Variants in HECTD4 observed in about 807,000 individuals in gnomAD.
HECTD4 encodes probable E3 ubiquitin-protein ligase HECTD4.
Under a neutral mutation model 471.5 loss-of-function variants are expected in HECTD4, and 114 were observed. The ratio of observed to expected loss-of-function variants is 0.24; its 90% CI spans 0.21 to 0.28. The LOEUF (loss-of-function observed/expected upper bound fraction) is 0.28. Among genes scored for constraint, HECTD4 ranks in the 10% least tolerant of loss-of-function variants. HECTD4 has a pLI of 1.00. For synonymous variants in HECTD4, 2,012 were observed against 2,256.0 expected (o/e 0.89, Z 3.07); for missense variants, 3,866 against 5,651.5 (o/e 0.68, Z 10.13).
At position 112,190,859 on chromosome 12, in the gene HECTD4, G is replaced by T; in HGVS notation, c.9399C>A (p.Asp3133Glu). 6.3e-7 allele frequency: 1 copy of T among 1,583,660 alleles called. No homozygotes were observed. Among genetic ancestry groups the T allele is most frequent in the Non-Finnish European group, 8.6e-7 (1 of 1,164,992 alleles). Residue 3133 changes from aspartate (D) to glutamate (E), a missense_variant, in exon 60 of 76, where the codon GAC becomes GAA. By Grantham distance (45) the Asp-to-Glu change is conservative (BLOSUM62 2). Around this residue, in one of 16 missense-constraint regions of HECTD4, gnomAD observed 364 missense variants for 413.2 expected, o/e 0.88. Transcript: ENST00000682272. ...AEQLLSWKSE[D>E]SEGKSEDEPD... ...GCTCATCTTCGGACTTCCCTTCACT[G>T]TCCTCTGATTTCCAGGACAGCAGCT...
Position 112,176,665 on chromosome 12 carries a change from G to GCTT in HECTD4, c.11398_11400dup (p.Lys3800dup). Reference sequence around the variant, plus strand: ...GGTTTGCTCTTTTCTGGTGATTTTGGCTTCACAGTTGGCTTCTTCTCACTT... The same window carrying GCTT: ...GGTTTGCTCTTTTCTGGTGATTTTGGCTTCTTCACAGTTGGCTTCTTCTCACTT... On this transcript the variant is annotated inframe_insertion, in exon 65 of 76. Coordinates refer to ENST00000682272, the MANE Select transcript of HECTD4 (RefSeq NM_001388303.1). The GCTT allele has an allele frequency of 6.2e-7, 1 of 1,613,934 alleles. No individual in the cohort carries two copies.
chr12:112,236,887 C>T (rs888766334), intron 35 of HECTD4, 58 bp downstream of exon 35: 24 of 1,433,154 alleles, frequency 1.7e-5, no homozygotes, highest in Non-Finnish European at 2.2e-5. Flanking sequence ...AAAAGAAACC[C>T]CAATCGTTCA....
Position 112,228,853 on chromosome 12 carries a change from G to A in HECTD4, c.6520-42C>T, listed in dbSNP as rs543865860. On this transcript the variant is annotated intron_variant, in intron 41 of 75. Transcript: ENST00000682272. This position sits in a 1 kb window ranked among gnomAD's most constrained non-coding sequence, Gnocchi z 4.9. Reference sequence around the variant, plus strand: ...ATTAGCACTACCAACCAGCTCTGACGTGTGGGCAGCTGTCTTACGAGACAA... The same window carrying A: ...ATTAGCACTACCAACCAGCTCTGACATGTGGGCAGCTGTCTTACGAGACAA... 3.8e-6 allele frequency: 6 copies of A among 1,572,702 alleles called. No individual in the cohort carries two copies. The highest frequency in any genetic ancestry group is 1.4e-5 in the African/African-American group (1 of 73,158).
At chr12:112,165,327 CT>C (rs2030896046) in intron 72 of HECTD4, among the ~76,000 whole-genome samples, 1 of 149,206 alleles carries the variant, frequency 6.7e-6, no homozygotes, top group Admixed American at 6.7e-5. Context: ...ACCCATCATG[CT>C]TTTTGTTTTA....
At chr12:112,357,471 G>A (rs2036362368) in intron 1 of HECTD4, among the ~76,000 whole-genome samples, 1 of 152,182 alleles carries the variant, frequency 6.6e-6, no homozygotes, top group African/African-American at 2.4e-5. Context: ...TGAGGTTGCA[G>A]TGAGCTGTGA....
At chr12:112,337,009 T>C (rs958116349) in intron 1 of HECTD4, among the ~76,000 whole-genome samples, 1 of 152,194 alleles carries the variant, frequency 6.6e-6, no homozygotes, top group African/African-American at 2.4e-5. Flanking sequence ...CACACAAGAA[T>C]TTTTTCTTCC....
At chr12:112,352,556 G>A (rs944967708) in intron 1 of HECTD4, among the ~76,000 whole-genome samples, 5 of 151,834 alleles carry the variant, frequency 3.3e-5, no homozygotes, top group East Asian at 1.9e-4. Flanking sequence ...GGCTGGTCTC[G>A]AACTCCTGAC....
At chr12:112,224,141 T>A (rs1333043156) in intron 44 of HECTD4, among the ~76,000 whole-genome samples, 2 of 152,200 alleles carry the variant, frequency 1.3e-5, no homozygotes, top group Non-Finnish European at 1.5e-5. Context: ...TTCTGCAAAG[T>A]AACCCGGAAT....
intron 45 of HECTD4, among the ~76,000 whole-genome samples, chr12:112,217,794 C>G (rs1297036273): frequency 6.6e-6 from 1 of 152,158 alleles, no homozygotes; most frequent in Non-Finnish European, 1.5e-5. Context: ...AGTTACTGAA[C>G]AAATTTTAGT....
rs1273113366 is a variant in HECTD4, at chr12:112,382,246, C to T, written c.-118G>A. 1.1e-6 allele frequency: 1 copy of T among 873,632 alleles called. No individual in the cohort carries two copies. The highest frequency in any genetic ancestry group is 1.8e-5 in the African/African-American group (1 of 56,388). 54.1% of individuals were successfully genotyped at this position (873,632 alleles called of 1,614,324 possible). A position where few individuals can be genotyped will look rare whatever the true frequency, so the allele number is the denominator to read the frequency against. Reference sequence around the variant, plus strand: ...CGCCGCGCCCGCCAGCGGCGCCCCACTTGCTGCCTCGCCCGTGCAACTCCG... The same window carrying T: ...CGCCGCGCCCGCCAGCGGCGCCCCATTTGCTGCCTCGCCCGTGCAACTCCG... On this transcript the variant is annotated 5_prime_UTR_variant, in exon 1 of 76. In the 5' UTR this introduces an upstream ATG that the reference lacks. Coordinates refer to ENST00000682272, the MANE Select transcript of HECTD4 (RefSeq NM_001388303.1).
intron 4 of HECTD4, among the ~76,000 whole-genome samples, chr12:112,311,508 C>T (rs766110169): frequency 5.3e-5 from 8 of 150,702 alleles, no homozygotes; most frequent in Non-Finnish European, 1.0e-4. Context: ...CCTGTGGTCC[C>T]AGCTACTCAG....
At chr12:112,214,283 C>T (rs984729887) in intron 48 of HECTD4, among the ~76,000 whole-genome samples, 13 of 152,176 alleles carry the variant, frequency 8.5e-5, no homozygotes, top group South Asian at 2.1e-4. Flanking sequence ...GCTGCTAGCA[C>T]GTGTGGCCTT....
intron 7 of HECTD4, among the ~76,000 whole-genome samples, chr12:112,303,780 G>A (rs2035214090): frequency 6.6e-6 from 1 of 151,262 alleles, no homozygotes; most frequent in Non-Finnish European, 1.5e-5. Context: ...AGCCCAGGAG[G>A]TTGAGGCCAC....
At position 112,192,579 on chromosome 12, in the gene HECTD4, G is replaced by A. The variant is rs938209369; in HGVS notation, c.9273C>T (p.Asp3091=). 6 of 1,590,556 alleles carry A rather than the reference G, an allele frequency of 3.8e-6. No individual in the cohort carries two copies. The highest frequency in any genetic ancestry group is 5.1e-6 in the Non-Finnish European group (6 of 1,166,570). ...DQYPSVVLST[D]RVHIKLGVSP... ...ACTCACCCAGTTTGATGTGGACCCT[G>A]TCTGTGGAGAGGACCACAGAGGGGT... The change falls in exon 59 of 76, where the codon GAC becomes GAT. Residue 3091 remains aspartate, a synonymous_variant. Transcript: ENST00000682272.
Position 112,200,812 on chromosome 12 carries a change from A to G in HECTD4, c.8407-14T>C, listed in dbSNP as rs556361867. 1 of 1,607,400 alleles carries G rather than the reference A, an allele frequency of 6.2e-7. No homozygotes were observed. On this transcript the variant is annotated splice_polypyrimidine_tract_variant and intron_variant, in intron 54 of 75. Transcript: ENST00000682272. ...CAGTTCATTCACCTACAATAGGAAA[A>G]GAAAATGTCTGTTTGTGCTGTTTGC...
chr12:112,214,246 C>T (rs547639248), intron 48 of HECTD4, among the ~76,000 whole-genome samples: 1 of 152,282 alleles, frequency 6.6e-6, no homozygotes, highest in South Asian at 2.1e-4. Flanking sequence ...ATTGCATCGG[C>T]ACTCTTACAT....
rs549127892 is a variant in HECTD4 at position 112,323,951 on chromosome 12, T to G, written c.178-4209A>C. Among the ~76,000 whole-genome samples, 4 of 40,718 alleles carry G rather than the reference T, an allele frequency of 9.8e-5. 1 individual carries two copies. The highest frequency in any genetic ancestry group is 1.5e-4 in the Non-Finnish European group (4 of 26,770). 26.7% of individuals were successfully genotyped at this position (40,718 alleles called of 152,430 possible). ...GAGGTATTTTTTACTGAGGTGCTTCTTTCTTTCTTTCTTTCTTCCTTCCTT... is the reference window on the plus strand; with the variant it reads ...GAGGTATTTTTTACTGAGGTGCTTCGTTCTTTCTTTCTTTCTTCCTTCCTT... On this transcript the variant is annotated intron_variant, in intron 1 of 75. Coordinates refer to ENST00000682272, the MANE Select transcript of HECTD4 (RefSeq NM_001388303.1).
rs927654893 is a variant in HECTD4, at chr12:112,228,897, T to C, written c.6520-86A>G. ...GAGACAAGAGGAAAAAGTAAATTTA[T>C]AGTTGTCATTGTTGGCGTTACAGTA... On this transcript the variant is annotated intron_variant, in intron 41 of 75. Coordinates refer to ENST00000682272, the MANE Select transcript of HECTD4 (RefSeq NM_001388303.1). This position sits in a 1 kb window ranked among gnomAD's most constrained non-coding sequence, Gnocchi z 4.9. The C allele has an allele frequency of 3.4e-5, 44 of 1,280,808 alleles. No individual in the cohort carries two copies. The highest frequency in any genetic ancestry group is 4.8e-5 in the Non-Finnish European group (43 of 900,076). 79.3% of individuals were successfully genotyped at this position (1,280,808 alleles called of 1,614,324 possible).
At chr12:112,248,261 T>C in intron 26 of HECTD4, 59 bp downstream of exon 26, 1 of 1,525,272 alleles carries the variant, frequency 6.6e-7, no homozygotes, top group East Asian at 2.3e-5. Flanking sequence ...TAGATCACAT[T>C]CTAAATTTCT....
Sources: allele counts gnomAD v4.1 joint callset (sites outside exome capture counted in the v4.1 genomes callset), GRCh38; gene constraint gnomAD v4.1.1; regional missense constraint gnomAD v4.1.1; non-coding constraint Gnocchi (gnomAD v3.1); transcripts MANE v1.5; gene names NCBI Gene and HGNC (gene_info 2026-07-23, HGNC 2026-07-21).